Variants in CNTN5 observed in about 807,000 individuals in gnomAD.
CNTN5 encodes contactin-5.
A neutral mutation model predicts 129.1 loss-of-function variants in CNTN5; 77 were observed. The observed-to-expected ratio is 0.60, with a 90% CI of 0.50 to 0.72. The LOEUF (loss-of-function observed/expected upper bound fraction) is 0.72. Among genes scored for constraint, CNTN5 ranks in the 30% least tolerant of loss-of-function variants. The probability of loss-of-function intolerance (pLI) is 0.00; values close to 1 mark genes in which losing one functional copy is unlikely to be tolerated. For synonymous variants in CNTN5, 509 were observed against 465.6 expected, an observed-to-expected ratio of 1.09 and a Z score of -1.20; for missense variants, 1,478 against 1,328.8, an observed-to-expected ratio of 1.11 and a Z score of -1.75.
intron 1 of CNTN5, among the ~76,000 whole-genome samples, chr11:99,234,191 A>C (rs1225650406): frequency 6.6e-6 from 1 of 152,176 alleles, no homozygotes; most frequent in Non-Finnish European, 1.5e-5. Context: ...TTTACAAATA[A>C]AAATTGCCAA....
At chr11:99,251,673 C>T (rs17659971) in intron 1 of CNTN5, among the ~76,000 whole-genome samples, 2 of 151,832 alleles carry the variant, frequency 1.3e-5, no homozygotes, top group South Asian at 2.1e-4. Context: ...GAATCAATGC[C>T]TTCTTTATTT....
chr11:99,190,470 T>A (rs529776735), intron 1 of CNTN5, among the ~76,000 whole-genome samples: 1 of 151,852 alleles, frequency 6.6e-6, no homozygotes, highest in African/African-American at 2.4e-5. Flanking sequence ...TACATTGAAT[T>A]TGTAGATATC....
At chr11:99,806,639 T>A (rs777211527) in intron 3 of CNTN5, among the ~76,000 whole-genome samples, 14 of 151,930 alleles carry the variant, frequency 9.2e-5, no homozygotes, top group Non-Finnish European at 2.1e-4. Flanking sequence ...AAACCCTGTC[T>A]CTGCTAAAAA....
intron 1 of CNTN5, among the ~76,000 whole-genome samples, chr11:99,195,955 A>G (rs1275977915): frequency 2.0e-5 from 3 of 152,008 alleles, no homozygotes; most frequent in African/African-American, 4.8e-5. Flanking sequence ...AATGGCTTTC[A>G]CTTTTTAAGT....
chr11:99,148,539 T>C (rs532834790), intron 1 of CNTN5, among the ~76,000 whole-genome samples: 1 of 152,262 alleles, frequency 6.6e-6, no homozygotes, highest in Non-Finnish European at 1.5e-5. Context: ...GGTATGGTAA[T>C]GAATATGCCT....
intron 6 of CNTN5, among the ~76,000 whole-genome samples, chr11:99,875,107 G>T (rs1373854469): frequency 6.6e-6 from 1 of 152,004 alleles, no homozygotes; most frequent in African/African-American, 2.4e-5. Context: ...CCCAAATTGA[G>T]GATTATAGTT....
At chr11:100,273,024 T>G (rs72985664) in intron 18 of CNTN5, among the ~76,000 whole-genome samples, 2,450 of 152,168 alleles carry the variant, frequency 0.016, 33 homozygotes, top group Non-Finnish European at 0.025. Context: ...TAGGGGAACT[T>G]TCTGTCTGTC....
intron 18 of CNTN5, among the ~76,000 whole-genome samples, chr11:100,285,506 T>A (rs1041393928): frequency 1.3e-5 from 2 of 152,224 alleles, no homozygotes; most frequent in Admixed American, 6.5e-5. Flanking sequence ...TTTCATCTTA[T>A]CTAATTAGTA....
intron 3 of CNTN5, among the ~76,000 whole-genome samples, chr11:99,677,549 C>G (rs1175074022): frequency 6.6e-6 from 1 of 152,118 alleles, no homozygotes; most frequent in Non-Finnish European, 1.5e-5. Context: ...GATCTAGTTA[C>G]TTTTGCAATA....
At chr11:100,174,674 A>G (rs139202755) in intron 13 of CNTN5, among the ~76,000 whole-genome samples, 31 of 152,172 alleles carry the variant, frequency 2.0e-4, no homozygotes, top group Middle Eastern at 3.4e-3. Flanking sequence ...GTTTGTTTTA[A>G]TCTCAAGCAC....
At chr11:100,326,901 A>G (rs942139173) in intron 21 of CNTN5, among the ~76,000 whole-genome samples, 22 of 152,298 alleles carry the variant, frequency 1.4e-4, no homozygotes, top group African/African-American at 5.3e-4. Context: ...AAAAGCTCAA[A>G]AACTCTAAAT....
intron 3 of CNTN5, among the ~76,000 whole-genome samples, chr11:99,718,053 T>C (rs2135005912): frequency 6.6e-6 from 1 of 152,254 alleles, no homozygotes; most frequent in East Asian, 1.9e-4. Context: ...ATGCCAAACT[T>C]TGCTGAAGAA....
At chr11:99,535,938 A>G (rs1033702729) in intron 2 of CNTN5, among the ~76,000 whole-genome samples, 6 of 152,070 alleles carry the variant, frequency 3.9e-5, no homozygotes, top group South Asian at 2.1e-4. Flanking sequence ...GTTAATTCTG[A>G]TTAGTTTTGT....
At chr11:99,633,383 AAGG>A (rs1951435250) in intron 3 of CNTN5, among the ~76,000 whole-genome samples, 1 of 152,220 alleles carries the variant, frequency 6.6e-6, no homozygotes, top group Non-Finnish European at 1.5e-5. Flanking sequence ...CAGATCTAAA[AAGG>A]AGACATTTCT....
intron 13 of CNTN5, among the ~76,000 whole-genome samples, chr11:100,122,551 A>G (rs564180972): frequency 1.3e-5 from 2 of 152,198 alleles, no homozygotes; most frequent in East Asian, 1.9e-4. Flanking sequence ...AAGAAGTCCA[A>G]TCTGGAGAGG....
chr11:99,729,830 T>C (rs1010205179), intron 3 of CNTN5, among the ~76,000 whole-genome samples: 12 of 152,108 alleles, frequency 7.9e-5, no homozygotes, highest in African/African-American at 2.7e-4. Flanking sequence ...TTCTCACTTA[T>C]AAGTGGGAGC....
chr11:99,625,900 T>TTA lies in CNTN5; in HGVS notation c.55+69654_55+69655dup, dbSNP rs140396628. ...TCATGAGCTCATGATAAGGGCAAGATTATATATATATATATATATATATAC... is the reference window on the plus strand; with the variant it reads ...TCATGAGCTCATGATAAGGGCAAGATTATATATATATATATATATATATATAC... On this transcript the variant is annotated intron_variant, in intron 3 of 24. Coordinates refer to ENST00000524871, the MANE Select transcript of CNTN5 (RefSeq NM_014361.4). 2.4e-3 allele frequency among the ~76,000 whole-genome samples: 357 copies of TTA among 146,374 alleles called. 1 individual carries two copies. Among genetic ancestry groups the TTA allele is most frequent in the African/African-American group, 4.3e-3 (170 of 39,754 alleles).
At chr11:99,289,675 A>G (rs934017644) in intron 1 of CNTN5, among the ~76,000 whole-genome samples, 1 of 151,740 alleles carries the variant, frequency 6.6e-6, no homozygotes, top group Non-Finnish European at 1.5e-5. Context: ...AATCTTTCAG[A>G]CCCATTTTTT....
At chr11:99,042,365 C>CTTTTTTTTTTTTTT (rs1210153589) in intron 1 of CNTN5, among the ~76,000 whole-genome samples, 4 of 83,792 alleles carry the variant, frequency 4.8e-5, no homozygotes, top group Admixed American at 1.5e-4. Flanking sequence ...TCTTCTTCTT[C>CTTTTTTTTTTTTTT]TTTTTTTTTT....
Sources: gnomAD v4.1 joint callset for allele counts (sites outside exome capture counted in the v4.1 genomes callset) on GRCh38, gnomAD v4.1.1 for gene constraint, MANE v1.5 for transcripts, NCBI Gene and HGNC (gene_info 2026-07-23, HGNC 2026-07-21) for gene names.